TBC1D32: variants seen among roughly 807,000 people sequenced by gnomAD.
TBC1D32 encodes TBC1 domain family member 32, also known as protein broad-minded.
In TBC1D32, 151 loss-of-function variants were observed where a neutral mutation model predicts 170.3. That is an observed-to-expected ratio of 0.89 (90% CI 0.78 to 1.01). The LOEUF (loss-of-function observed/expected upper bound fraction) is 1.01, where lower values mean the gene tolerates loss of function less well. Among genes scored for constraint, TBC1D32 ranks in the 50% least tolerant of loss-of-function variants. The pLI is 0.00. For missense variants in TBC1D32, 1,464 were observed against 1,457.1 expected (o/e 1.00, Z -0.08); for synonymous variants, 498 against 488.0 (o/e 1.02, Z -0.27).
chr6:121,245,604 G>C (rs1797493531), intron 17 of TBC1D32, among the ~76,000 whole-genome samples: 1 of 152,050 alleles, frequency 6.6e-6, no homozygotes, highest in African/African-American at 2.4e-5. Flanking sequence ...AGGGATCCTT[G>C]GTCCCCCCGG....
intron 21 of TBC1D32, among the ~76,000 whole-genome samples, chr6:121,219,535 T>C (rs1387679973): frequency 6.6e-6 from 1 of 152,178 alleles, no homozygotes; most frequent in Non-Finnish European, 1.5e-5. Context: ...TTTCCCATAA[T>C]CTAAATAAAA....
chr6:121,189,495 C>CGTTTATAT (rs1299982122), intron 22 of TBC1D32, among the ~76,000 whole-genome samples: 1 of 150,440 alleles, frequency 6.6e-6, no homozygotes, highest in Non-Finnish European at 1.5e-5. Flanking sequence ...ACCCTATAAA[C>CGTTTATAT]GTTTATATGT....
At chr6:121,150,710 C>T (rs753956328) in intron 24 of TBC1D32, among the ~76,000 whole-genome samples, 3 of 152,138 alleles carry the variant, frequency 2.0e-5, no homozygotes, top group Non-Finnish European at 4.4e-5. Flanking sequence ...AAGGATTCAA[C>T]TTCTTCCTGG....
At chr6:121,144,733 T>C (rs137960656) in intron 24 of TBC1D32, among the ~76,000 whole-genome samples, 4 of 152,200 alleles carry the variant, frequency 2.6e-5, no homozygotes, top group Non-Finnish European at 5.9e-5. Context: ...CTGAGAGCCA[T>C]CAGCATATTG....
chr6:121,293,319 C>T (rs1448361734), intron 11 of TBC1D32, among the ~76,000 whole-genome samples: 3 of 152,082 alleles, frequency 2.0e-5, no homozygotes, highest in African/African-American at 4.8e-5. Context: ...CCTTTTCCTT[C>T]TCTTGAAGAA....
At chr6:121,152,797 A>C (rs1046428671) in intron 24 of TBC1D32, among the ~76,000 whole-genome samples, 1 of 151,970 alleles carries the variant, frequency 6.6e-6, no homozygotes, top group African/African-American at 2.4e-5. Context: ...TGATTTGGCT[A>C]CTGATACTTG....
intron 15 of TBC1D32, among the ~76,000 whole-genome samples, chr6:121,267,732 A>T (rs1583476612): frequency 1.3e-5 from 2 of 152,282 alleles, no homozygotes; most frequent in African/African-American, 4.8e-5. Flanking sequence ...TGCAGACTTA[A>T]ATGTCCCTGT....
chr6:121,214,382 C>T (rs920003931), intron 21 of TBC1D32, among the ~76,000 whole-genome samples: 9 of 152,172 alleles, frequency 5.9e-5, no homozygotes, highest in Admixed American at 5.2e-4. Flanking sequence ...CAACCCAGAT[C>T]CCATGCCTGC....
At chr6:121,276,145 A>G (rs552139604) in intron 15 of TBC1D32, among the ~76,000 whole-genome samples, 1 of 151,814 alleles carries the variant, frequency 6.6e-6, no homozygotes, top group South Asian at 2.1e-4. Flanking sequence ...ACAAACGACA[A>G]TAACAAAAAA....
intron 22 of TBC1D32, among the ~76,000 whole-genome samples, chr6:121,179,462 C>A (rs1057406283): frequency 1.1e-4 from 16 of 151,280 alleles, no homozygotes; most frequent in Admixed American, 7.9e-4. Context: ...AAAAATATAA[C>A]AGATGATAAT....
At chr6:121,297,315 C>A (rs1805801659) in intron 10 of TBC1D32, among the ~76,000 whole-genome samples, 1 of 151,968 alleles carries the variant, frequency 6.6e-6, no homozygotes, top group Non-Finnish European at 1.5e-5. Context: ...TATATACCAG[C>A]CAGTTCATTT....
intron 31 of TBC1D32, among the ~76,000 whole-genome samples, chr6:121,086,399 C>T (rs1038271447): frequency 2.6e-5 from 4 of 152,042 alleles, no homozygotes; most frequent in Non-Finnish European, 4.4e-5. Context: ...AATATTTGCT[C>T]AGATGGTGAA....
intron 17 of TBC1D32, among the ~76,000 whole-genome samples, chr6:121,245,293 A>G (rs1797452634): frequency 6.6e-6 from 1 of 152,224 alleles, no homozygotes; most frequent in South Asian, 2.1e-4. Flanking sequence ...TCCTTTGCAG[A>G]TATTCACAGC....
chr6:121,162,395 A>G (rs1351803834), intron 22 of TBC1D32, among the ~76,000 whole-genome samples: 1 of 152,142 alleles, frequency 6.6e-6, no homozygotes, highest in East Asian at 1.9e-4. Flanking sequence ...AACTGAAGGA[A>G]CGTATCACAA....
Position 121,304,628 on chromosome 6 carries a change from G to GCA in TBC1D32, c.770-4_770-3insTG. On this transcript the variant is annotated splice_polypyrimidine_tract_variant and splice_region_variant and intron_variant, in intron 6 of 31. Transcript: ENST00000398212. Reference sequence around the variant, plus strand: ...AAAGTATGACTCCAAATACTTAGCTGAAAAAAAAGGGAAAACATAAAATTA... The same window carrying GCA: ...AAAGTATGACTCCAAATACTTAGCTGCAAAAAAAAAGGGAAAACATAAAATTA... 1 of 1,577,030 alleles carries GCA rather than the reference G, an allele frequency of 6.3e-7. No homozygotes were observed. The highest frequency in any genetic ancestry group is 1.2e-5 in the South Asian group (1 of 85,384).
intron 3 of TBC1D32, among the ~76,000 whole-genome samples, chr6:121,316,746 T>G (rs989905028): frequency 6.6e-6 from 1 of 152,200 alleles, no homozygotes; most frequent in Non-Finnish European, 1.5e-5. Flanking sequence ...CCCAAACTCC[T>G]CAAATCCCTT....
intron 15 of TBC1D32, among the ~76,000 whole-genome samples, chr6:121,267,994 G>A (rs1208785968): frequency 1.3e-5 from 2 of 152,128 alleles, no homozygotes; most frequent in African/African-American, 4.8e-5. Context: ...CAGGCAAACA[G>A]CGTCTGGAGT....
chr6:121,276,119 C>CA lies in TBC1D32; in HGVS notation c.1733+3001dup, dbSNP rs61692987. On this transcript the variant is annotated intron_variant, in intron 15 of 31. Coordinates refer to ENST00000398212, the MANE Select transcript of TBC1D32 (RefSeq NM_152730.6). ...TGGGCAACAGAGTGAGACCTTGTCT[C>CA]AAAAAAAAAAAAAAAACAAACGACA... Among the ~76,000 whole-genome samples the CA allele has an allele frequency of 4.3e-3, 372 of 87,504 alleles. 1 individual carries two copies. Among genetic ancestry groups the CA allele is most frequent in the Middle Eastern group, 7.2e-3 (1 of 138 alleles). The allele number at this position is 87,504 out of a possible 152,430, so 57.4% of individuals were successfully genotyped here. A position where few individuals can be genotyped will look rare whatever the true frequency, so the allele number is the denominator to read the frequency against.
At chr6:121,303,591 T>C (rs1365910096) in intron 9 of TBC1D32, 26 bp downstream of exon 9, 4 of 1,509,152 alleles carry the variant, frequency 2.7e-6, no homozygotes, top group Non-Finnish European at 3.6e-6. Flanking sequence ...CACTAAAAGG[T>C]ATAAAAATAT....
Sources: allele counts gnomAD v4.1 joint callset (sites outside exome capture counted in the v4.1 genomes callset), GRCh38; gene constraint gnomAD v4.1.1; transcripts MANE v1.5; gene names NCBI Gene and HGNC (gene_info 2026-07-23, HGNC 2026-07-21).